The following FHIT variants were observed in gnomAD, a reference collection of about 807,000 sequenced individuals.
FHIT encodes the protein bis(5'-adenosyl)-triphosphatase.
FHIT carries 19 observed loss-of-function variants against 17.9 expected under a neutral mutation model. The observed-to-expected ratio is 1.06, with a 90% confidence interval of 0.74 to 1.56. The LOEUF (loss-of-function observed/expected upper bound fraction) is 1.56, where lower values mean the gene tolerates loss of function less well. Ranked by LOEUF, FHIT falls within the 40% of genes most tolerant of loss-of-function variation. The pLI, the probability that FHIT is intolerant of heterozygous loss-of-function variation, is 0.00. For missense variants in FHIT, 248 were observed against 189.2 expected, an observed-to-expected ratio of 1.31 and a Z score of -1.82; for synonymous variants, 81 against 69.7, an observed-to-expected ratio of 1.16 and a Z score of -0.81.
chr3:60,257,865 C>T (rs1304593820), intron 5 of FHIT, among the ~76,000 whole-genome samples: 4 of 151,846 alleles, frequency 2.6e-5, no homozygotes, highest in Non-Finnish European at 5.9e-5. Flanking sequence ...AGACACATGG[C>T]GGGAACAAAA....
chr3:60,195,949 A>G (rs1042516454), intron 5 of FHIT, among the ~76,000 whole-genome samples: 1 of 152,140 alleles, frequency 6.6e-6, no homozygotes, highest in Non-Finnish European at 1.5e-5. Context: ...CAGGTGATGC[A>G]TGCCCTAAAA....
chr3:59,769,230 A>T (rs182560691), intron 8 of FHIT, among the ~76,000 whole-genome samples: 128 of 152,296 alleles, frequency 8.4e-4, no homozygotes, highest in African/African-American at 3.0e-3. Context: ...TTTGAGGCGG[A>T]AACTTGAGAG....
intron 3 of FHIT, among the ~76,000 whole-genome samples, chr3:60,965,829 T>G (rs1318667285): frequency 1.3e-5 from 2 of 152,302 alleles, no homozygotes; most frequent in African/African-American, 4.8e-5. Flanking sequence ...CCTGGCTGTG[T>G]GAGGTGTCAG....
chr3:60,036,541 T>C (rs1701225116), intron 5 of FHIT, among the ~76,000 whole-genome samples: 1 of 152,190 alleles, frequency 6.6e-6, no homozygotes, highest in South Asian at 2.1e-4. Flanking sequence ...AAACTTTATT[T>C]TTTCTTATTT....
chr3:60,167,676 C>T (rs1406287968), intron 5 of FHIT, among the ~76,000 whole-genome samples: 1 of 152,176 alleles, frequency 6.6e-6, no homozygotes, highest in East Asian at 1.9e-4. Context: ...TGTCCTGTTG[C>T]CTATCCTGCC....
At chr3:60,027,129 ACACACACACACACACACAC>A in intron 5 of FHIT, among the ~76,000 whole-genome samples, 1 of 131,364 alleles carries the variant, frequency 7.6e-6, no homozygotes, top group South Asian at 2.7e-4. Flanking sequence ...ACACACACAC[ACACACACACACACACACAC>A]AAAATTAGTA....
At position 60,455,446 on chromosome 3, in the gene FHIT, G is replaced by A. The variant is rs183225525; in HGVS notation, c.103+81414C>T. Among the ~76,000 whole-genome samples the A allele has an allele frequency of 5.1e-4, 77 of 152,234 alleles. No individual in the cohort carries two copies. In the Middle Eastern group the frequency reaches 0.01, roughly 20 times the overall value. ...ATGAAAGCAACTTGCCTACATGCACGTCTTCAAAACCAACCAAATGAACCA... is the reference window on the plus strand; with the variant it reads ...ATGAAAGCAACTTGCCTACATGCACATCTTCAAAACCAACCAAATGAACCA... On this transcript the variant is annotated intron_variant, in intron 5 of 9. Coordinates refer to ENST00000492590, the MANE Select transcript of FHIT (RefSeq NM_002012.4).
intron 4 of FHIT, among the ~76,000 whole-genome samples, chr3:60,804,183 A>T (rs1701301099): frequency 6.6e-6 from 1 of 152,214 alleles, no homozygotes; most frequent in Admixed American, 6.5e-5. Flanking sequence ...CCAACAATTT[A>T]GCTCCACGGA....
intron 5 of FHIT, among the ~76,000 whole-genome samples, chr3:60,018,912 G>A (rs1375531297): frequency 1.3e-5 from 2 of 152,162 alleles, no homozygotes; most frequent in African/African-American, 2.4e-5. Flanking sequence ...TCCGGGAGGT[G>A]GAGGTTGCAG....
intron 3 of FHIT, among the ~76,000 whole-genome samples, chr3:60,884,796 T>C (rs940434499): frequency 1.2e-4 from 18 of 151,648 alleles, no homozygotes; most frequent in African/African-American, 4.1e-4. Flanking sequence ...TCCTAGCTAC[T>C]TGGAAGACCA....
intron 5 of FHIT, among the ~76,000 whole-genome samples, chr3:60,266,515 A>T (rs919424737): frequency 3.3e-5 from 5 of 152,106 alleles, no homozygotes; most frequent in African/African-American, 1.2e-4. Context: ...TCCGAAAACC[A>T]CAGAATATAC....
intron 5 of FHIT, among the ~76,000 whole-genome samples, chr3:60,075,543 A>G (rs1254991866): frequency 3.3e-5 from 5 of 152,114 alleles, no homozygotes; most frequent in African/African-American, 9.7e-5. Flanking sequence ...TGAGTTTGGA[A>G]ATCAGTAGAT....
chr3:59,908,550 A>T (rs1178030161), intron 8 of FHIT, among the ~76,000 whole-genome samples: 4 of 152,188 alleles, frequency 2.6e-5, no homozygotes, highest in Admixed American at 1.3e-4. Flanking sequence ...GAATGGACCA[A>T]AGATGCACAC....
chr3:60,521,395 C>T (rs534136269), intron 5 of FHIT, among the ~76,000 whole-genome samples: 118 of 152,088 alleles, frequency 7.8e-4, no homozygotes, highest in African/African-American at 2.6e-3. Flanking sequence ...CTACAGGCGC[C>T]CGCCACCACA....
chr3:60,437,835 T>A (rs527744032), intron 5 of FHIT, among the ~76,000 whole-genome samples: 4 of 152,110 alleles, frequency 2.6e-5, no homozygotes, highest in African/African-American at 9.7e-5. Flanking sequence ...GGTGTTTGGC[T>A]GACATACTTT....
intron 4 of FHIT, among the ~76,000 whole-genome samples, chr3:60,590,594 G>A (rs531023097): frequency 6.6e-6 from 1 of 152,210 alleles, no homozygotes; most frequent in African/African-American, 2.4e-5. Context: ...TTGCAGCGGG[G>A]AATTACTTAA....
chr3:60,509,792 C>G (rs945685782), intron 5 of FHIT, among the ~76,000 whole-genome samples: 1 of 152,144 alleles, frequency 6.6e-6, no homozygotes, highest in Non-Finnish European at 1.5e-5. Flanking sequence ...AGAAAACTAC[C>G]CAATAAGTCT....
At chr3:59,799,858 T>A (rs1699925462) in intron 8 of FHIT, among the ~76,000 whole-genome samples, 1 of 152,210 alleles carries the variant, frequency 6.6e-6, no homozygotes, top group African/African-American at 2.4e-5. Flanking sequence ...GGCGATTTTT[T>A]AAAATGGTTC....
chr3:60,382,134 AG>A (rs1398527975), intron 5 of FHIT, among the ~76,000 whole-genome samples: 2 of 152,212 alleles, frequency 1.3e-5, no homozygotes, highest in African/African-American at 4.8e-5. Flanking sequence ...AATCAAGACC[AG>A]CCAATGGATT....
Sources: allele counts gnomAD v4.1 joint callset (sites outside exome capture counted in the v4.1 genomes callset), GRCh38; gene constraint gnomAD v4.1.1; transcripts MANE v1.5; gene names NCBI Gene and HGNC (gene_info 2026-07-23, HGNC 2026-07-21).